Variants in LLGL2 observed in about 807,000 individuals in gnomAD.
LLGL2 encodes LLGL scribble cell polarity complex component 2.
LLGL2 carries 81 observed loss-of-function variants against 123.2 expected under a neutral mutation model. That is an observed-to-expected ratio of 0.66 (90% CI 0.55 to 0.79). The LOEUF is 0.79. Ranked by LOEUF, LLGL2 falls within the 30% of genes least tolerant of loss-of-function variation. The pLI, the probability that LLGL2 is intolerant of heterozygous loss-of-function variation, is 0.00. For missense variants in LLGL2, 1,273 were observed against 1,414.6 expected (o/e 0.90, Z 1.61); for synonymous variants, 577 against 594.1 (o/e 0.97, Z 0.42).
intron 1 of LLGL2, among the ~76,000 whole-genome samples, chr17:75,527,128 C>T (rs1399191789): frequency 2.0e-5 from 3 of 149,642 alleles, no homozygotes; most frequent in African/African-American, 5.0e-5. Flanking sequence ...ATGATGGCGC[C>T]ACCACACTCC....
chr17:75,568,817 C>T lies in LLGL2; in HGVS notation c.1300C>T (p.Gln434Ter), dbSNP rs775624603. Residue 434 changes from glutamine to a stop codon, truncating the protein, a stop_gained, in exon 12 of 26, where the codon CAG (glutamine) becomes TAG (stop). Transcript: ENST00000392550. LOFTEE classifies it high-confidence loss of function. Reference protein sequence around the residue: ...GGTSLTPAPPQRDLLLTGHED... With the variant: ...GGTSLTPAPP Reference sequence around the variant, plus strand: ...CACCAGCCTGACCCCAGCCCCACCCCAGAGGGACCTGCTGCTCACAGGGTA... The same window carrying T: ...CACCAGCCTGACCCCAGCCCCACCCTAGAGGGACCTGCTGCTCACAGGGTA... 6 of 1,594,422 alleles carry T rather than the reference C, an allele frequency of 3.8e-6. No individual in the cohort carries two copies. Among genetic ancestry groups the T allele is most frequent in the Non-Finnish European group, 5.1e-6 (6 of 1,169,312 alleles).
chr17:75,532,395 C>G (rs565667408), intron 1 of LLGL2: 1 of 151,978 alleles, frequency 6.6e-6, no homozygotes, highest in Non-Finnish European at 1.5e-5. Context: ...GGATTACAGG[C>G]GCCCGCCACC....
intron 17 of LLGL2, 148 bp downstream of exon 17, chr17:75,571,248 C>A: frequency 1.3e-6 from 1 of 746,962 alleles, no homozygotes; most frequent in Non-Finnish European, 2.2e-6. Context: ...CAGCCCCTGC[C>A]TGCTTACTCC....
In LLGL2 at chr17:75,573,597, G is replaced by C. The variant is rs200220698; in HGVS notation, c.2842G>C (p.Gly948Arg). 7 of 1,611,400 alleles carry C rather than the reference G, an allele frequency of 4.3e-6. No individual in the cohort carries two copies. Among genetic ancestry groups the C allele is most frequent in the South Asian group, 1.1e-5 (1 of 91,084 alleles). Residue 948 changes from glycine to arginine, a missense_variant, in exon 21 of 26, where the codon GGT becomes CGT. Transcript: ENST00000392550. Reference protein sequence around the residue: ...AETKNHRPGNGAGPKKAPSRA... With the variant: ...AETKNHRPGNRAGPKKAPSRA... ...AACCAAGAACCACCGCCCTGGTAAC[G>C]GTGCGGGCCCCAAGAAGGCCCCGAG... is the stretch of plus-strand genomic sequence containing the variant.
At position 75,575,178 on chromosome 17, in the gene LLGL2, A is replaced by G; in HGVS notation, c.*300A>G. 1 of 551,166 alleles carries G rather than the reference A, an allele frequency of 1.8e-6. No individual in the cohort carries two copies. Among genetic ancestry groups the G allele is most frequent in the Non-Finnish European group, 3.2e-6 (1 of 308,566 alleles). 34.1% of individuals were successfully genotyped at this position (551,166 alleles called of 1,614,324 possible). ...TAAATGTTAACTGCCTCTGGGTGAA[A>G]AAGTTTTTAATAAACACCTATTACC... On this transcript the variant is annotated 3_prime_UTR_variant, in exon 26 of 26. Coordinates refer to ENST00000392550, the MANE Select transcript of LLGL2 (RefSeq NM_001031803.2).
intron 1 of LLGL2, among the ~76,000 whole-genome samples, chr17:75,529,603 C>A (rs9913780): frequency 4.0e-5 from 6 of 151,344 alleles, no homozygotes; most frequent in South Asian, 4.2e-4. Flanking sequence ...TGTCTCACGC[C>A]TGTAATCCCA....
chr17:75,574,589 C>T (rs760389496), intron 24 of LLGL2, 21 bp from the exon 25 acceptor site: 7 of 1,611,414 alleles, frequency 4.3e-6, no homozygotes, highest in African/African-American at 2.7e-5. Context: ...GGCCATGACT[C>T]CCCTGTCTTT....
At chr17:75,566,057 C>T (rs763070886) in intron 10 of LLGL2, among the ~76,000 whole-genome samples, 16 of 152,196 alleles carry the variant, frequency 1.1e-4, no homozygotes, top group Non-Finnish European at 2.2e-4. Flanking sequence ...GATAAGGGGA[C>T]GTATTTGCGC....
chr17:75,559,541 G>A lies in LLGL2; in HGVS notation c.530+131G>A, dbSNP rs940323653. ...ATTCCATGGGGCTATAGCAGGGGAG[G>A]CTCTTGGCTTCCTACCTGTCACCTA... On this transcript the variant is annotated intron_variant, in intron 6 of 25. Coordinates refer to ENST00000392550, the MANE Select transcript of LLGL2 (RefSeq NM_001031803.2). The surrounding 1 kb of genome is among the most constrained non-coding windows in gnomAD (Gnocchi z 4.6). The A allele has an allele frequency of 8.5e-6, 10 of 1,182,644 alleles. No individual in the cohort carries two copies. Among genetic ancestry groups the A allele is most frequent in the Non-Finnish European group, 1.2e-5 (10 of 863,546 alleles). 73.3% of individuals were successfully genotyped at this position (1,182,644 alleles called of 1,614,324 possible). A position where few individuals can be genotyped will look rare whatever the true frequency, so the allele number is the denominator to read the frequency against.
At chr17:75,525,579 C>G (rs1167331332), upstream of LLGL2, 1 of 150,674 alleles carries the variant, frequency 6.6e-6, no homozygotes, top group Non-Finnish European at 1.5e-5. This position sits in a 1 kb window ranked among gnomAD's most constrained non-coding sequence, Gnocchi z 4.8. Context: ...GCAGCCCCCA[C>G]CCCCGAGGGT....
At chr17:75,555,142 A>G (rs1219098001) in intron 2 of LLGL2, among the ~76,000 whole-genome samples, 1 of 150,668 alleles carries the variant, frequency 6.6e-6, no homozygotes, top group Admixed American at 6.6e-5. Context: ...GCACCACTGC[A>G]CTCCAGCCTG....
intron 2 of LLGL2, among the ~76,000 whole-genome samples, chr17:75,548,793 TA>T (rs1489668391): frequency 1.3e-5 from 2 of 150,188 alleles, no homozygotes; most frequent in Admixed American, 1.3e-4. Context: ...TACTTTGGGG[TA>T]GCCCATTCTG....
At chr17:75,551,867 G>A (rs181178377) in intron 2 of LLGL2, among the ~76,000 whole-genome samples, 9 of 152,316 alleles carry the variant, frequency 5.9e-5, no homozygotes, top group South Asian at 2.1e-4. Context: ...GGTGGCTCAC[G>A]CCTGTAATCC....
At position 75,571,983 on chromosome 17, in the gene LLGL2, C is replaced by T. The variant is rs758313722; in HGVS notation, c.2379C>T (p.Leu793=). The T allele has an allele frequency of 2.5e-5, 40 of 1,612,806 alleles. No individual in the cohort carries two copies. The highest frequency in any genetic ancestry group is 1.6e-4 in the Middle Eastern group (1 of 6,084). ...ACAGCGTACCCCTTCCCGAGCCCCT[C>T]GAAGTGGCCCATGATCTGTCGAAGA... ...DGHSVPLPEP[L]EVAHDLSKSP... is the part of the protein sequence containing the mutation. Residue 793 remains leucine, a synonymous_variant, in exon 19 of 26, where the codon CTC becomes CTT. Transcript: ENST00000392550.
chr17:75,545,834 G>C (rs2054397621), intron 2 of LLGL2, among the ~76,000 whole-genome samples: 1 of 152,192 alleles, frequency 6.6e-6, no homozygotes, highest in African/African-American at 2.4e-5. Flanking sequence ...CAGCCAGTGG[G>C]GATGGGAACG....
In LLGL2 at chr17:75,543,318, C is replaced by T. The variant is rs1378751906; in HGVS notation, c.-30-79C>T. The T allele has an allele frequency of 7.1e-6, 7 of 989,038 alleles. No homozygotes were observed. In the East Asian group the frequency reaches 1.9e-4, roughly 26 times the overall value. 61.3% of individuals were successfully genotyped at this position (989,038 alleles called of 1,614,324 possible). A position where few individuals can be genotyped will look rare whatever the true frequency, so the allele number is the denominator to read the frequency against. On this transcript the variant is annotated intron_variant, in intron 1 of 25. Transcript: ENST00000392550. ...CCTACTGGACTTGGAGAGAGAGGCC[C>T]TGCTCCACCTGTTTGGGCCGGGCCT... is the stretch of plus-strand genomic sequence containing the variant.
chr17:75,525,483 G>A (rs959298991), upstream of LLGL2, among the ~76,000 whole-genome samples: 1 of 151,736 alleles, frequency 6.6e-6, no homozygotes, highest in Non-Finnish European at 1.5e-5. This position sits in a 1 kb window ranked among gnomAD's most constrained non-coding sequence, Gnocchi z 4.8. Flanking sequence ...GGTGCGCGCA[G>A]GTGAGGCCGG....
At chr17:75,573,656 T>TTCCC in intron 21 of LLGL2, 25 bp downstream of exon 21, 1 of 1,429,144 alleles carries the variant, frequency 7.0e-7, no homozygotes, top group East Asian at 2.6e-5. Context: ...CAGAGGCCTC[T>TTCCC]CCCGCCCCTC....
rs547859305 is a variant in LLGL2, at chr17:75,549,265, G to A, written c.75+5764G>A. On this transcript the variant is annotated intron_variant, in intron 2 of 25. Transcript: ENST00000392550. The surrounding 1 kb of genome is among the most constrained non-coding windows in gnomAD (Gnocchi z 4.0). ...CCAAGGGAAGGAACCATGGGACCTC[G>A]GGAGGGAGGAAGTGCTGCTGGAGAA... Among the ~76,000 whole-genome samples the A allele has an allele frequency of 1.5e-3, 228 of 152,276 alleles. 1 individual carries two copies. The highest frequency in any genetic ancestry group is 2.3e-3 in the Non-Finnish European group (154 of 68,010).
Sources: gnomAD v4.1 joint callset for allele counts (sites outside exome capture counted in the v4.1 genomes callset) on GRCh38, gnomAD v4.1.1 for gene constraint, Gnocchi (gnomAD v3.1) non-coding constraint, MANE v1.5 for transcripts, NCBI Gene and HGNC (gene_info 2026-07-23, HGNC 2026-07-21) for gene names.